SNTG1: variants seen among roughly 807,000 people sequenced by gnomAD.
SNTG1 encodes gamma-1-syntrophin.
Under a neutral mutation model 74.7 loss-of-function variants are expected in SNTG1, and 39 were observed. The ratio of observed to expected loss-of-function variants is 0.52; its 90% CI spans 0.40 to 0.68. The LOEUF (loss-of-function observed/expected upper bound fraction) is 0.68, where lower values mean the gene tolerates loss of function less well. SNTG1 is among the 30% of genes least tolerant of loss of function. The probability of loss-of-function intolerance (pLI) is 0.00; values close to 1 mark genes in which losing one functional copy is unlikely to be tolerated. For missense variants in SNTG1, 685 were observed against 609.5 expected (o/e 1.12, Z -1.30); for synonymous variants, 254 against 217.1 (o/e 1.17, Z -1.49).
chr8:50,155,543 T>G (rs957226663), intron 1 of SNTG1, among the ~76,000 whole-genome samples: 6 of 152,056 alleles, frequency 3.9e-5, no homozygotes, highest in African/African-American at 1.4e-4. Context: ...AAATAAGAGA[T>G]AAAATATTCT....
chr8:50,284,756 G>T (rs76180507), intron 2 of SNTG1, among the ~76,000 whole-genome samples: 7,975 of 151,924 alleles, frequency 0.052, 236 homozygotes, highest in Middle Eastern at 0.12. Context: ...TATTACCACT[G>T]AACTGTACAC....
chr8:50,424,989 A>G (rs918217907), intron 4 of SNTG1, among the ~76,000 whole-genome samples: 2 of 152,184 alleles, frequency 1.3e-5, no homozygotes, highest in African/African-American at 2.4e-5. Flanking sequence ...TAAAAAGTGT[A>G]TGTGTGTAGC....
In SNTG1 at chr8:50,527,126, G is replaced by A. The variant is rs190229925; in HGVS notation, c.467-3051G>A. 3.9e-5 allele frequency among the ~76,000 whole-genome samples: 6 copies of A among 152,078 alleles called. No homozygotes were observed. In the East Asian group the frequency reaches 9.7e-4, roughly 25 times the overall value. On this transcript the variant is annotated intron_variant, in intron 9 of 18. Coordinates refer to ENST00000642720, the MANE Select transcript of SNTG1 (RefSeq NM_018967.5). ...TTATCTCCATATTGTGTGATTATTGGCCATGTGCATATCTTCTTTTGGAAA... is the reference window on the plus strand; with the variant it reads ...TTATCTCCATATTGTGTGATTATTGACCATGTGCATATCTTCTTTTGGAAA...
intron 12 of SNTG1, among the ~76,000 whole-genome samples, chr8:50,589,197 A>C (rs1275999967): frequency 2.0e-5 from 3 of 152,196 alleles, no homozygotes; most frequent in Non-Finnish European, 4.4e-5. Flanking sequence ...TAGAGATGGT[A>C]ACATTCACAT....
intron 1 of SNTG1, among the ~76,000 whole-genome samples, chr8:49,934,255 C>CT (rs1441598674): frequency 1.3e-5 from 2 of 151,918 alleles, no homozygotes; most frequent in Non-Finnish European, 2.9e-5. Flanking sequence ...CCATGATCAC[C>CT]TCTCCTGGTC....
intron 2 of SNTG1, among the ~76,000 whole-genome samples, chr8:50,228,211 T>C (rs1211024699): frequency 4.0e-5 from 6 of 151,654 alleles, no homozygotes; most frequent in African/African-American, 1.5e-4. Context: ...AGACTTGACA[T>C]AGCCAAGGAA....
At chr8:50,749,426 C>T (rs1373067404) in intron 17 of SNTG1, among the ~76,000 whole-genome samples, 3 of 151,942 alleles carry the variant, frequency 2.0e-5, no homozygotes, top group Non-Finnish European at 2.9e-5. Flanking sequence ...GCAAGTTATC[C>T]GAAGATCTAG....
Position 50,004,906 on chromosome 8 carries a change from T to C in SNTG1, c.-103+92675T>C, listed in dbSNP as rs569773573. Among the ~76,000 whole-genome samples the C allele has an allele frequency of 2.0e-5, 3 of 152,230 alleles. No homozygotes were observed. The East Asian group carries it at 5.8e-4, about 29-fold the overall frequency. ...CCAAAGCAGAGAAAATGAACAAAGT[T>C]GGTGTTTGTAAGATTATTGCACTGC... On this transcript the variant is annotated intron_variant, in intron 1 of 18. Transcript: ENST00000642720.
At chr8:50,116,299 T>C (rs1324652426) in intron 1 of SNTG1, among the ~76,000 whole-genome samples, 1 of 152,156 alleles carries the variant, frequency 6.6e-6, no homozygotes, top group African/African-American at 2.4e-5. Flanking sequence ...CTTAATGTAA[T>C]ACTTACAATG....
intron 1 of SNTG1, among the ~76,000 whole-genome samples, chr8:50,083,829 C>A (rs1822628164): frequency 6.6e-6 from 1 of 152,064 alleles, no homozygotes; most frequent in Admixed American, 6.6e-5. Flanking sequence ...TTTCATCATG[C>A]CTTCTGACTA....
At chr8:50,369,639 G>T (rs2092218836) in intron 2 of SNTG1, among the ~76,000 whole-genome samples, 1 of 150,688 alleles carries the variant, frequency 6.6e-6, no homozygotes. Context: ...ACCAGAGCTA[G>T]CTCATTATCT....
intron 4 of SNTG1, among the ~76,000 whole-genome samples, chr8:50,428,311 TAAAAG>T (rs1445359563): frequency 2.0e-5 from 3 of 152,052 alleles, no homozygotes; most frequent in Non-Finnish European, 4.4e-5. Flanking sequence ...CTGTGTCTCT[TAAAAG>T]AAAAGAAAAA....
rs187123641 is a variant in SNTG1 at position 50,686,907 on chromosome 8, G to C, written c.1039-17693G>C. 4.2e-3 allele frequency among the ~76,000 whole-genome samples: 640 copies of C among 150,912 alleles called. 2 individuals carry two copies. The highest frequency in any genetic ancestry group is 0.014 in the Middle Eastern group (4 of 292). The stretch of plus-strand genomic sequence containing the variant: ...TCCCAGCACTTTGGGAGGCCGAGGC[G>C]GGTGGATCATGAGGTCAGGAGATCG... On this transcript the variant is annotated intron_variant, in intron 15 of 18. Transcript: ENST00000642720.
intron 1 of SNTG1, among the ~76,000 whole-genome samples, chr8:49,913,677 A>G (rs951065751): frequency 1.3e-5 from 2 of 152,206 alleles, no homozygotes; most frequent in African/African-American, 2.4e-5. Flanking sequence ...AAAACCTACA[A>G]TGTGCTCTTA....
intron 17 of SNTG1, among the ~76,000 whole-genome samples, chr8:50,728,527 A>T (rs1380529995): frequency 1.3e-5 from 2 of 152,136 alleles, no homozygotes; most frequent in African/African-American, 4.8e-5. Flanking sequence ...CAATATTATC[A>T]ATCTGCCACC....
chr8:50,051,067 C>T (rs1819527546), intron 1 of SNTG1, among the ~76,000 whole-genome samples: 1 of 151,886 alleles, frequency 6.6e-6, no homozygotes, highest in South Asian at 2.1e-4. Flanking sequence ...GAATACTTTC[C>T]CCCTAAGACT....
At chr8:50,495,132 T>C (rs796292553) in intron 8 of SNTG1, among the ~76,000 whole-genome samples, 5 of 152,274 alleles carry the variant, frequency 3.3e-5, no homozygotes, top group African/African-American at 1.2e-4. Context: ...CTTTCTTTCA[T>C]CATATAACCA....
intron 1 of SNTG1, among the ~76,000 whole-genome samples, chr8:50,131,343 A>G (rs1019648776): frequency 6.6e-6 from 1 of 152,124 alleles, no homozygotes; most frequent in African/African-American, 2.4e-5. Flanking sequence ...TTGAAAAATA[A>G]AAATTGTATA....
chr8:50,084,841 T>G (rs1022380479), intron 1 of SNTG1, among the ~76,000 whole-genome samples: 2 of 152,224 alleles, frequency 1.3e-5, no homozygotes, highest in African/African-American at 2.4e-5. Context: ...TTTTTCTATC[T>G]CTAGGGCTTG....
Sources: allele counts gnomAD v4.1 joint callset (sites outside exome capture counted in the v4.1 genomes callset), GRCh38; gene constraint gnomAD v4.1.1; transcripts MANE v1.5; gene names NCBI Gene and HGNC (gene_info 2026-07-23, HGNC 2026-07-21).